METTL24: variants seen among roughly 807,000 people sequenced by gnomAD.
The protein encoded by METTL24 is methyltransferase like 24.
METTL24 carries 29 observed loss-of-function variants against 32.7 expected under a neutral mutation model. The observed-to-expected ratio is 0.89, with a 90% CI of 0.66 to 1.21. METTL24 has a LOEUF of 1.21. Among genes scored for constraint, METTL24 ranks in the 50% most tolerant of loss-of-function variants. The pLI is 0.00. For missense variants in METTL24, 439 were observed against 468.1 expected, an observed-to-expected ratio of 0.94 and a Z score of 0.57; for synonymous variants, 163 against 179.5, an observed-to-expected ratio of 0.91 and a Z score of 0.73.
chr6:110,256,670 T>C (rs1194070913), intron 4 of METTL24, among the ~76,000 whole-genome samples: 2 of 152,118 alleles, frequency 1.3e-5, no homozygotes, highest in Non-Finnish European at 2.9e-5. Flanking sequence ...ACCTCACTGA[T>C]GGAAAGAGAG....
chr6:110,290,918 T>C (rs1449587452), intron 4 of METTL24, among the ~76,000 whole-genome samples: 1 of 152,218 alleles, frequency 6.6e-6, no homozygotes, highest in Non-Finnish European at 1.5e-5. Flanking sequence ...TATGAAGTGA[T>C]ATCTCATTGT....
At chr6:110,286,054 T>C (rs180964226) in intron 4 of METTL24, among the ~76,000 whole-genome samples, 1 of 152,304 alleles carries the variant, frequency 6.6e-6, no homozygotes, top group Non-Finnish European at 1.5e-5. Flanking sequence ...TTTCTCTCAC[T>C]AACACGTGCT....
intron 3 of METTL24, among the ~76,000 whole-genome samples, chr6:110,309,477 G>T (rs183392429): frequency 6.6e-6 from 1 of 152,288 alleles, no homozygotes; most frequent in East Asian, 1.9e-4. Context: ...GTATTAGTTT[G>T]TTTTCATGCT....
intron 4 of METTL24, chr6:110,253,813 C>A: frequency 8.5e-7 from 1 of 1,173,592 alleles, no homozygotes; most frequent in Non-Finnish European, 1.1e-6. Flanking sequence ...TTCAAATCTG[C>A]TTTTTAACAT....
intron 4 of METTL24, among the ~76,000 whole-genome samples, chr6:110,298,097 C>T (rs1771453182): frequency 6.6e-6 from 1 of 152,128 alleles, no homozygotes; most frequent in Non-Finnish European, 1.5e-5. Flanking sequence ...AAAATTGAGT[C>T]TCAGGCACAC....
At chr6:110,249,777 G>T (rs1041792853) in intron 4 of METTL24, among the ~76,000 whole-genome samples, 4 of 151,918 alleles carry the variant, frequency 2.6e-5, no homozygotes, top group African/African-American at 7.2e-5. Context: ...CAGGTTTGTG[G>T]AGAAAAACAA....
At chr6:110,273,794 C>T (rs1358194697) in intron 4 of METTL24, among the ~76,000 whole-genome samples, 4 of 152,242 alleles carry the variant, frequency 2.6e-5, no homozygotes, top group African/African-American at 9.6e-5. Context: ...ACTAGTACAA[C>T]CACTATGGAA....
intron 1 of METTL24, among the ~76,000 whole-genome samples, chr6:110,336,465 G>A (rs1487166580): frequency 6.6e-6 from 1 of 152,212 alleles, no homozygotes; most frequent in Non-Finnish European, 1.5e-5. Flanking sequence ...TATCAGCTGG[G>A]CGCGGTGGCT....
chr6:110,287,716 C>A (rs116061712), intron 4 of METTL24, among the ~76,000 whole-genome samples: 1 of 152,102 alleles, frequency 6.6e-6, no homozygotes, highest in African/African-American at 2.4e-5. Flanking sequence ...ATGCCTTGTA[C>A]GTTTTGTTTA....
Position 110,358,085 on chromosome 6 carries a change from C to A in METTL24, c.188G>T (p.Gly63Val). The change falls in exon 1 of 5, where the codon GGC (glycine) becomes GTC (valine). Residue 63 changes from glycine (G) to valine (V), a missense_variant. Transcript: ENST00000338882. ...PPGPHLPPAP[G>V]QPRGASRRQV... ...CCTCCTGCTGGCGCCGCGCGGCTGG[C>A]CCGGCGCGGGCGGCAGGTGCGGCCC... is the stretch of plus-strand genomic sequence containing the variant. 1 of 998,646 alleles carries A rather than the reference C, an allele frequency of 1.0e-6. No homozygotes were observed. Among genetic ancestry groups the A allele is most frequent in the South Asian group, 4.5e-5 (1 of 22,214 alleles). The allele number at this position is 998,646 out of a possible 1,614,324, so 61.9% of individuals were successfully genotyped here. A position where few individuals can be genotyped will look rare whatever the true frequency, so the allele number is the denominator to read the frequency against.
chr6:110,246,895 A>C (rs75259512), intron 4 of METTL24, among the ~76,000 whole-genome samples: 6 of 152,066 alleles, frequency 3.9e-5, no homozygotes, highest in Non-Finnish European at 7.3e-5. Context: ...ACTATAAAAA[A>C]ATAATATTAT....
intron 2 of METTL24, among the ~76,000 whole-genome samples, chr6:110,320,929 G>A (rs1310717298): frequency 1.3e-5 from 2 of 151,974 alleles, no homozygotes; most frequent in Non-Finnish European, 2.9e-5. Flanking sequence ...ATCAGACTAC[G>A]GAGGATGCTT....
intron 1 of METTL24, among the ~76,000 whole-genome samples, chr6:110,324,617 T>G (rs1022169371): frequency 6.6e-6 from 1 of 152,252 alleles, no homozygotes; most frequent in African/African-American, 2.4e-5. Flanking sequence ...CCACGAATCA[T>G]GTAGCCAGTC....
Position 110,299,187 on chromosome 6 carries a change from T to G in METTL24, c.558-37A>C, listed in dbSNP as rs1343960540. 6 of 1,579,374 alleles carry G rather than the reference T, an allele frequency of 3.8e-6. No homozygotes were observed. The East Asian group carries it at 1.3e-4, about 35-fold the overall frequency. The stretch of plus-strand genomic sequence containing the variant: ...GAGGACGGAAATCAACAACAAAAAA[T>G]GCAATGAAGCAAAGTGTTGGACTAA... On this transcript the variant is annotated intron_variant, in intron 3 of 4. Transcript: ENST00000338882.
At chr6:110,339,197 T>C (rs1273027224) in intron 1 of METTL24, among the ~76,000 whole-genome samples, 3 of 152,222 alleles carry the variant, frequency 2.0e-5, no homozygotes, top group Non-Finnish European at 4.4e-5. Flanking sequence ...GCACTCTTAA[T>C]CTGTCTCTAC....
At chr6:110,306,437 C>T (rs1771629588) in intron 3 of METTL24, among the ~76,000 whole-genome samples, 2 of 151,654 alleles carry the variant, frequency 1.3e-5, no homozygotes, top group Admixed American at 1.3e-4. Context: ...ATATATCTTT[C>T]CAGAAATTTT....
chr6:110,260,128 G>A (rs887950660), intron 4 of METTL24, among the ~76,000 whole-genome samples: 25 of 152,272 alleles, frequency 1.6e-4, no homozygotes, highest in Non-Finnish European at 2.4e-4. Context: ...TGACTTTGAC[G>A]AGCTGAGAGA....
rs1410926899 is a variant in METTL24 at position 110,244,747 on chromosome 6, C to G, written c.*1199G>C. 6.6e-6 allele frequency among the ~76,000 whole-genome samples: 1 copy of G among 152,142 alleles called. No homozygotes were observed. The highest frequency in any genetic ancestry group is 6.5e-5 in the Admixed American group (1 of 15,274). Reference sequence around the variant, plus strand: ...GGAAACCAACCCCATGATTCAATTACCTCTCACCAGGTCCCTCCCACAACA... The same window carrying G: ...GGAAACCAACCCCATGATTCAATTAGCTCTCACCAGGTCCCTCCCACAACA... On this transcript the variant is annotated 3_prime_UTR_variant, in exon 5 of 5. Transcript: ENST00000338882.
At chr6:110,323,785 G>A (rs1159632788) in intron 1 of METTL24, among the ~76,000 whole-genome samples, 2 of 152,092 alleles carry the variant, frequency 1.3e-5, no homozygotes, top group African/African-American at 4.8e-5. Context: ...CAGCTGGCGG[G>A]GTCAATGTCT....
Sources: gnomAD v4.1 joint callset for allele counts (sites outside exome capture counted in the v4.1 genomes callset) on GRCh38, gnomAD v4.1.1 for gene constraint, MANE v1.5 for transcripts, NCBI Gene and HGNC (gene_info 2026-07-23, HGNC 2026-07-21) for gene names.